Variants in COL23A1 observed in about 807,000 individuals in gnomAD.
COL23A1 encodes collagen type XXIII alpha 1 chain, also known as collagen alpha-1(XXIII) chain.
In COL23A1, 97 loss-of-function variants were observed where a neutral mutation model predicts 99.3. The ratio of observed to expected loss-of-function variants is 0.98; its 90% confidence interval spans 0.83 to 1.16. COL23A1 has a LOEUF of 1.16. COL23A1 is among the 50% of genes most tolerant of loss of function. The probability of loss-of-function intolerance (pLI) is 0.00; values close to 1 mark genes in which losing one functional copy is unlikely to be tolerated. For missense variants in COL23A1, 762 were observed against 757.4 expected (o/e 1.01, Z -0.07); for synonymous variants, 320 against 308.2 (o/e 1.04, Z -0.40).
intron 2 of COL23A1, among the ~76,000 whole-genome samples, chr5:178,449,307 G>A (rs888186827): frequency 3.3e-5 from 5 of 152,176 alleles, no homozygotes; most frequent in South Asian, 2.1e-4. Context: ...CACGTCTGCC[G>A]CTGGGAAATG....
chr5:178,359,101 G>A (rs1762038559), intron 2 of COL23A1, among the ~76,000 whole-genome samples: 1 of 152,176 alleles, frequency 6.6e-6, no homozygotes, highest in South Asian at 2.1e-4. Context: ...AAGGGGCTTG[G>A]GGGTCTGGCT....
chr5:178,471,239 T>C (rs1438032478), intron 2 of COL23A1, among the ~76,000 whole-genome samples: 2 of 82,260 alleles, frequency 2.4e-5, no homozygotes, highest in African/African-American at 7.0e-5. Context: ...ATGCGTTTTA[T>C]GTTTTCTTTC....
At chr5:178,550,596 C>G (rs1325392033) in intron 2 of COL23A1, among the ~76,000 whole-genome samples, 3 of 152,126 alleles carry the variant, frequency 2.0e-5, no homozygotes, top group African/African-American at 7.2e-5. Context: ...GTCTAGCCAG[C>G]CATGGTTGTA....
At chr5:178,527,392 G>A (rs1239827638) in intron 2 of COL23A1, among the ~76,000 whole-genome samples, 3 of 152,138 alleles carry the variant, frequency 2.0e-5, no homozygotes, top group Non-Finnish European at 4.4e-5. Context: ...CCATCTGTCT[G>A]TCCTGAGATC....
intron 2 of COL23A1, among the ~76,000 whole-genome samples, chr5:178,458,219 TA>T (rs1188417184): frequency 3.0e-4 from 2 of 6,594 alleles, no homozygotes; most frequent in Admixed American, 3.5e-3. Flanking sequence ...AATTGGTAAA[TA>T]AGGGAGAAAA....
chr5:178,543,171 G>A (rs549848820), intron 2 of COL23A1, among the ~76,000 whole-genome samples: 2 of 151,634 alleles, frequency 1.3e-5, no homozygotes, highest in East Asian at 3.9e-4. Context: ...GCAATGGCGC[G>A]ATCTCGGCTC....
chr5:178,469,731 C>A (rs1756638064), intron 2 of COL23A1, among the ~76,000 whole-genome samples: 2 of 152,244 alleles, frequency 1.3e-5, no homozygotes, highest in African/African-American at 2.4e-5. Context: ...ATCAAGAGGA[C>A]CCTCGCCGAG....
intron 2 of COL23A1, among the ~76,000 whole-genome samples, chr5:178,518,947 G>A (rs1275352496): frequency 2.8e-5 from 4 of 144,168 alleles, no homozygotes; most frequent in African/African-American, 1.0e-4. Context: ...GCTGCGGTCG[G>A]TCGCGGCAGC....
intron 20 of COL23A1, among the ~76,000 whole-genome samples, 157 bp downstream of exon 20, chr5:178,248,035 G>A (rs1764807537): frequency 6.6e-6 from 1 of 152,202 alleles, no homozygotes; most frequent in Non-Finnish European, 1.5e-5. Context: ...GACATGGTGA[G>A]ACTCTGTTCT....
intron 1 of COL23A1, among the ~76,000 whole-genome samples, chr5:178,584,502 C>G (rs1321112861): frequency 1.3e-5 from 2 of 152,198 alleles, no homozygotes; most frequent in Non-Finnish European, 2.9e-5. Flanking sequence ...ACGCCCCAGC[C>G]TGAATTCTTT....
In COL23A1 at chr5:178,306,859, A is replaced by T. The variant is rs761492207; in HGVS notation, c.406+16T>A. 1 of 1,492,150 alleles carries T rather than the reference A, an allele frequency of 6.7e-7. No individual in the cohort carries two copies. The highest frequency in any genetic ancestry group is 8.9e-7 in the Non-Finnish European group (1 of 1,118,294). 92.4% of individuals were successfully genotyped at this position (1,492,150 alleles called of 1,614,324 possible). The stretch of plus-strand genomic sequence containing the variant: ...TCCAAGCCTTGGCTTAGGAGCTGAG[A>T]AAACCTGGGACTCACCAGGGTCGCC... On this transcript the variant is annotated intron_variant, in intron 3 of 28. Transcript: ENST00000390654. The surrounding 1 kb of genome is among the most constrained non-coding windows in gnomAD (Gnocchi z 4.1).
intron 2 of COL23A1, among the ~76,000 whole-genome samples, chr5:178,388,486 G>A (rs1190723862): frequency 1.3e-5 from 2 of 152,072 alleles, no homozygotes; most frequent in African/African-American, 2.4e-5. Flanking sequence ...GTTCTTCAGC[G>A]GCTCCTCCCA....
At position 178,590,008 on chromosome 5, in the gene COL23A1, G is replaced by A. The variant is rs1764187396; in HGVS notation, c.190C>T (p.Arg64Trp). Residue 64 changes from arginine (R) to tryptophan (W), a missense_variant, in exon 1 of 29, where the codon CGG becomes TGG. Transcript: ENST00000390654. The surrounding 1 kb of genome is among the most constrained non-coding windows in gnomAD (Gnocchi z 5.7). ...CGCTCCTCCTCGAGCGCCGCCACCC[G>A]GCCCTGCAGCGCGGCCGCCTGGACA... is the stretch of plus-strand genomic sequence containing the variant. Reference protein sequence around the residue: ...LGVQAAALQGRVAALEEEREL... With the variant: ...LGVQAAALQGWVAALEEEREL... 3.7e-6 allele frequency: 5 copies of A among 1,347,510 alleles called. No individual in the cohort carries two copies. The highest frequency in any genetic ancestry group is 4.8e-6 in the Non-Finnish European group (5 of 1,050,930). 83.5% of individuals were successfully genotyped at this position (1,347,510 alleles called of 1,614,324 possible).
At chr5:178,394,085 G>C (rs988113271) in intron 2 of COL23A1, among the ~76,000 whole-genome samples, 1 of 152,198 alleles carries the variant, frequency 6.6e-6, no homozygotes, top group East Asian at 1.9e-4. Context: ...AACCTGGAGC[G>C]AAAGACCTGG....
chr5:178,561,548 A>AG (rs1268767824), intron 1 of COL23A1, among the ~76,000 whole-genome samples: 1 of 152,190 alleles, frequency 6.6e-6, no homozygotes, highest in Non-Finnish European at 1.5e-5. Flanking sequence ...GAGGAACGCA[A>AG]GCTTGGAAAA....
At chr5:178,357,756 GTGTACGTGTA>G (rs1433191544) in intron 2 of COL23A1, among the ~76,000 whole-genome samples, 8 of 146,930 alleles carry the variant, frequency 5.4e-5, no homozygotes, top group East Asian at 2.1e-4. Context: ...GTATGTGTGT[GTGTACGTGTA>G]TGTATGTGTG....
intron 2 of COL23A1, among the ~76,000 whole-genome samples, chr5:178,358,403 A>ATG (rs764160730): frequency 1.9e-5 from 2 of 106,240 alleles, no homozygotes; most frequent in African/African-American, 6.5e-5. Flanking sequence ...GTGTATGTGT[A>ATG]TGTGTGTATG....
rs201278420 is a variant in COL23A1 at position 178,306,907 on chromosome 5, C to T, written c.374G>A (p.Arg125Gln). 8.7e-4 allele frequency: 1,340 copies of T among 1,543,886 alleles called. 2 individuals carry two copies. The highest frequency in any genetic ancestry group is 1.0e-3 in the Non-Finnish European group (1,171 of 1,145,242). ...GCCTCTTCTCCCAGGCTTGCCGCGCCGTCCAGGGGGCCCTAGACAGGAAAA... is the reference window on the plus strand; with the variant it reads ...GCCTCTTCTCCCAGGCTTGCCGCGCTGTCCAGGGGGCCCTAGACAGGAAAA... ...ECVCPPGPPG[R>Q]RGKPGRRGDP... The change falls in exon 3 of 29, where the codon CGG (arginine) becomes CAG (glutamine). Residue 125 changes from arginine (R) to glutamine (Q), a missense_variant. Coordinates refer to ENST00000390654, the MANE Select transcript of COL23A1 (RefSeq NM_173465.4). This position sits in a 1 kb window ranked among gnomAD's most constrained non-coding sequence, Gnocchi z 4.1.
At chr5:178,482,929 A>C (rs1181353462) in intron 2 of COL23A1, among the ~76,000 whole-genome samples, 2 of 151,744 alleles carry the variant, frequency 1.3e-5, no homozygotes, top group Non-Finnish European at 2.9e-5. Flanking sequence ...GAAAAGACTT[A>C]GGCTTAGTGG....
Sources: gnomAD v4.1 joint callset for allele counts (sites outside exome capture counted in the v4.1 genomes callset) on GRCh38, gnomAD v4.1.1 for gene constraint, Gnocchi (gnomAD v3.1) non-coding constraint, MANE v1.5 for transcripts, NCBI Gene and HGNC (gene_info 2026-07-23, HGNC 2026-07-21) for gene names.